The following GALNT14 variants were observed in gnomAD, a reference collection of about 807,000 sequenced individuals.
The protein encoded by GALNT14 is UDP-GalNAc:polypeptide N-acetylgalactosaminyltransferase 14.
GALNT14 carries 60 observed loss-of-function variants against 77.5 expected under a neutral mutation model. The ratio of observed to expected loss-of-function variants is 0.77; its 90% CI spans 0.63 to 0.96. The LOEUF (loss-of-function observed/expected upper bound fraction) is 0.96, where lower values mean the gene tolerates loss of function less well. Among genes scored for constraint, GALNT14 ranks in the 40% least tolerant of loss-of-function variants. The pLI is 0.00. For synonymous variants in GALNT14, 280 were observed against 281.7 expected, an observed-to-expected ratio of 0.99 and a Z score of 0.06; for missense variants, 710 against 731.0, an observed-to-expected ratio of 0.97 and a Z score of 0.33.
chr2:30,986,650 T>C (rs1256141938), intron 2 of GALNT14, among the ~76,000 whole-genome samples: 1 of 152,232 alleles, frequency 6.6e-6, no homozygotes, highest in African/African-American at 2.4e-5. Context: ...GCAATTACTT[T>C]TGCACCAACC....
At chr2:30,992,710 G>A in intron 2 of GALNT14, 128 bp downstream of exon 2, 3 of 1,080,592 alleles carry the variant, frequency 2.8e-6, no homozygotes, top group East Asian at 2.4e-5. Flanking sequence ...TCCCTTTAGT[G>A]TTCAACTGGC....
intron 1 of GALNT14, among the ~76,000 whole-genome samples, chr2:31,076,911 C>T (rs956157956): frequency 2.6e-5 from 4 of 152,102 alleles, no homozygotes; most frequent in East Asian, 1.9e-4. Context: ...AAGTTAGGGA[C>T]GCTCAGCTTT....
intron 1 of GALNT14, among the ~76,000 whole-genome samples, chr2:31,029,108 G>A (rs570026457): frequency 1.3e-5 from 2 of 152,252 alleles, no homozygotes; most frequent in Admixed American, 1.3e-4. Context: ...AAGAAAATTG[G>A]CCCAGAAGAC....
At chr2:30,988,284 T>C (rs1480639331) in intron 2 of GALNT14, among the ~76,000 whole-genome samples, 1 of 152,240 alleles carries the variant, frequency 6.6e-6, no homozygotes, top group Non-Finnish European at 1.5e-5. Flanking sequence ...CAAGGCATGA[T>C]GGGAACACAA....
At chr2:30,917,737 C>T (rs1156321378) in intron 13 of GALNT14, among the ~76,000 whole-genome samples, 1 of 152,230 alleles carries the variant, frequency 6.6e-6, no homozygotes, top group Non-Finnish European at 1.5e-5. Context: ...ATCAAAGGGG[C>T]CAATGGTTAC....
the GALNT14 span, among the ~76,000 whole-genome samples, chr2:30,905,386 A>G: frequency 6.6e-6 from 1 of 150,624 alleles, no homozygotes; most frequent in Non-Finnish European, 1.5e-5. Context: ...GGAGCTGAAA[A>G]CCAAGGCTCG....
At chr2:31,009,061 C>T (rs8179585) in intron 1 of GALNT14, among the ~76,000 whole-genome samples, 35,410 of 152,170 alleles carry the variant, frequency 0.23, 4,435 homozygotes, top group East Asian at 0.4. Context: ...GACAGCAGAA[C>T]TTGCAATTCA....
chr2:30,956,852 A>C (rs1667403388), intron 4 of GALNT14, among the ~76,000 whole-genome samples: 1 of 152,202 alleles, frequency 6.6e-6, no homozygotes, highest in African/African-American at 2.4e-5. Flanking sequence ...TGGTCAATTT[A>C]GTAGGTCTGG....
chr2:31,053,505 C>T (rs964405011), intron 1 of GALNT14, among the ~76,000 whole-genome samples: 2 of 150,626 alleles, frequency 1.3e-5, no homozygotes, highest in Non-Finnish European at 3.0e-5. Flanking sequence ...TGGTTCAGAT[C>T]TTAGCTAAGT....
intron 1 of GALNT14, among the ~76,000 whole-genome samples, chr2:30,993,592 T>C (rs906219451): frequency 6.6e-6 from 1 of 152,240 alleles, no homozygotes; most frequent in African/African-American, 2.4e-5. Context: ...ATCTGTTCCT[T>C]TCTTCCTCCT....
intron 2 of GALNT14, among the ~76,000 whole-genome samples, chr2:30,985,954 A>C (rs1262349074): frequency 1.3e-5 from 2 of 152,228 alleles, no homozygotes; most frequent in African/African-American, 4.8e-5. Context: ...ATTACTGCTA[A>C]GTGACGAGTA....
chr2:31,010,060 A>G (rs2148438797), intron 1 of GALNT14, among the ~76,000 whole-genome samples: 1 of 152,318 alleles, frequency 6.6e-6, no homozygotes, highest in South Asian at 2.1e-4. Context: ...ATCTTGGCTC[A>G]TTGCAACCTC....
intron 1 of GALNT14, among the ~76,000 whole-genome samples, chr2:31,047,501 A>C (rs1181659989): frequency 6.6e-6 from 1 of 152,166 alleles, no homozygotes; most frequent in East Asian, 1.9e-4. Flanking sequence ...AGAGCTTCAG[A>C]ATTGGTCCTT....
chr2:30,970,260 C>T (rs898878548), intron 2 of GALNT14, among the ~76,000 whole-genome samples: 3 of 152,072 alleles, frequency 2.0e-5, no homozygotes, highest in African/African-American at 7.2e-5. Flanking sequence ...AAGGATGCAG[C>T]GTCAATGTGA....
At chr2:31,121,727 A>T (rs1329741168) in intron 1 of GALNT14, among the ~76,000 whole-genome samples, 2 of 152,042 alleles carry the variant, frequency 1.3e-5, no homozygotes, top group Non-Finnish European at 2.9e-5. Flanking sequence ...AAGATCTCCT[A>T]GATTCAGTAC....
chr2:31,046,480 G>A lies in GALNT14; in HGVS notation c.130-53473C>T, dbSNP rs146167744. On this transcript the variant is annotated intron_variant, in intron 1 of 14. Coordinates refer to ENST00000349752, the MANE Select transcript of GALNT14 (RefSeq NM_024572.4). ...CCTGACGTCATGATCCACCCGCCTCGGCATCCCTAAGTGCTGGGATTACGG... is the reference window on the plus strand; with the variant it reads ...CCTGACGTCATGATCCACCCGCCTCAGCATCCCTAAGTGCTGGGATTACGG... Among the ~76,000 whole-genome samples the A allele has an allele frequency of 1.7e-4, 26 of 152,204 alleles. No individual in the cohort carries two copies. The East Asian group carries it at 2.9e-3, about 17-fold the overall frequency.
intron 2 of GALNT14, among the ~76,000 whole-genome samples, chr2:30,968,854 A>C (rs1442598539): frequency 1.3e-5 from 2 of 152,228 alleles, no homozygotes; most frequent in Non-Finnish European, 2.9e-5. Context: ...GCTCCCAGTG[A>C]GAAGAGACCT....
chr2:31,027,035 G>T (rs1672100273), intron 1 of GALNT14, among the ~76,000 whole-genome samples: 1 of 152,198 alleles, frequency 6.6e-6, no homozygotes, highest in Non-Finnish European at 1.5e-5. Flanking sequence ...AAAATTCACT[G>T]ATGCATCATA....
At chr2:31,058,021 A>G (rs1674345596) in intron 1 of GALNT14, among the ~76,000 whole-genome samples, 1 of 152,148 alleles carries the variant, frequency 6.6e-6, no homozygotes, top group African/African-American at 2.4e-5. Flanking sequence ...TCCCTCCACC[A>G]GTAACACTAT....
Sources: allele counts gnomAD v4.1 joint callset (sites outside exome capture counted in the v4.1 genomes callset), GRCh38; gene constraint gnomAD v4.1.1; transcripts MANE v1.5; gene names NCBI Gene and HGNC (gene_info 2026-07-23, HGNC 2026-07-21).